The following CPS1 variants were observed in gnomAD, a reference collection of about 807,000 sequenced individuals.
CPS1 encodes carbamoyl-phosphate synthase 1.
In CPS1, 109 loss-of-function variants were observed where a neutral mutation model predicts 174.6. The observed-to-expected ratio is 0.62, with a 90% confidence interval of 0.53 to 0.73. CPS1 has a LOEUF of 0.73. Ranked by LOEUF, CPS1 falls within the 30% of genes least tolerant of loss-of-function variation. The pLI is 0.00. For synonymous variants in CPS1, 637 were observed against 632.0 expected (o/e 1.01, Z -0.12); for missense variants, 1,689 against 1,821.9 (o/e 0.93, Z 1.33).
intron 21 of CPS1, among the ~76,000 whole-genome samples, chr2:210,626,487 A>G (rs1379261767): frequency 6.6e-6 from 1 of 152,172 alleles, no homozygotes; most frequent in Non-Finnish European, 1.5e-5. Flanking sequence ...ATTGTAAACC[A>G]ACATCTCTAG....
chr2:210,531,981 T>C (rs532965246), intron 1 of CPS1, among the ~76,000 whole-genome samples: 1 of 152,282 alleles, frequency 6.6e-6, no homozygotes, highest in East Asian at 1.9e-4. Context: ...GATTTTCTGA[T>C]TGGCTTACAT....
At chr2:210,525,282 T>C (rs1378140837) in intron 1 of CPS1, among the ~76,000 whole-genome samples, 1 of 151,836 alleles carries the variant, frequency 6.6e-6, no homozygotes, top group Non-Finnish European at 1.5e-5. Context: ...TCCAGCTAAT[T>C]ATTCTGATGC....
At chr2:210,638,500 G>A (rs951307923) in intron 22 of CPS1, among the ~76,000 whole-genome samples, 10 of 152,130 alleles carry the variant, frequency 6.6e-5, no homozygotes, top group Admixed American at 6.5e-4. Context: ...CAAGGGGCAC[G>A]TGCATACCCT....
intron 28 of CPS1, 28 bp downstream of exon 28, chr2:210,650,466 G>A (rs369846098): frequency 2.7e-6 from 4 of 1,462,930 alleles, no homozygotes; most frequent in Admixed American, 3.3e-5. Flanking sequence ...TGTAGTGACT[G>A]TTATCTCTTA....
At chr2:210,620,652 C>A (rs981620885) in intron 21 of CPS1, among the ~76,000 whole-genome samples, 45 of 151,886 alleles carry the variant, frequency 3.0e-4, no homozygotes, top group African/African-American at 1.0e-3. Context: ...AAAGCAGGAG[C>A]CAGCCAGAGA....
At chr2:210,482,459 C>T (rs765387066) in intron 1 of CPS1, among the ~76,000 whole-genome samples, 12 of 152,086 alleles carry the variant, frequency 7.9e-5, no homozygotes, top group Non-Finnish European at 1.3e-4. Context: ...CGTGCCACCA[C>T]GCCTGGCTAA....
At chr2:210,641,226 C>A (rs1477307061) in intron 24 of CPS1, among the ~76,000 whole-genome samples, 1 of 152,132 alleles carries the variant, frequency 6.6e-6, no homozygotes, top group African/African-American at 2.4e-5. Flanking sequence ...GGCTCAAGCA[C>A]TCCTCCCACC....
upstream of CPS1, among the ~76,000 whole-genome samples, chr2:210,551,843 A>G (rs1696739477): frequency 1.3e-5 from 2 of 152,018 alleles, no homozygotes; most frequent in Non-Finnish European, 2.9e-5. Flanking sequence ...TCATCTAACA[A>G]CATGATATCT....
rs541644814 is a variant in CPS1 at position 210,511,947 on chromosome 2, T to C, written c.3+34181T>C. ...AATTTCTCTTAAGTCTTATTCTACA[T>C]GAGTCATTGAACCCCAAATTGAGCC... is the stretch of plus-strand genomic sequence containing the variant. On this transcript the variant is annotated intron_variant, in intron 1 of 38. Transcript: ENST00000430249. Among the ~76,000 whole-genome samples the C allele has an allele frequency of 7.1e-4, 108 of 152,224 alleles. 3 individuals are homozygous for C. The highest frequency in any genetic ancestry group is 6.5e-3 in the Admixed American group (99 of 15,268).
intron 34 of CPS1, among the ~76,000 whole-genome samples, chr2:210,670,168 G>A (rs544887276): frequency 1.6e-4 from 25 of 152,112 alleles, no homozygotes; most frequent in Non-Finnish European, 2.9e-4. Context: ...GAGTTGTTGC[G>A]AAGAACTTTC....
At position 210,655,646 on chromosome 2, in the gene CPS1, A is replaced by T. The variant is rs942349740; in HGVS notation, c.3559-879A>T. Among the ~76,000 whole-genome samples the T allele has an allele frequency of 3.9e-5, 6 of 152,204 alleles. No homozygotes were observed. In the East Asian group the frequency reaches 1.2e-3, roughly 29 times the overall value. On this transcript the variant is annotated intron_variant, in intron 29 of 37. Transcript: ENST00000233072. ...TGTGGTCTGTTTTATCCTTACAAAC[A>T]TTCTATGAGCAGGTACCATTGTTAT...
chr2:210,511,876 A>T (rs1050929629), intron 1 of CPS1, among the ~76,000 whole-genome samples: 1 of 152,072 alleles, frequency 6.6e-6, no homozygotes, highest in African/African-American at 2.4e-5. Flanking sequence ...TGGTTTCAAT[A>T]ATCTTCAATA....
At chr2:210,646,044 T>A (rs932461093) in intron 25 of CPS1, among the ~76,000 whole-genome samples, 1 of 152,178 alleles carries the variant, frequency 6.6e-6, no homozygotes, top group South Asian at 2.1e-4. Flanking sequence ...ACAGCTAAGT[T>A]GAAAAATATT....
intron 25 of CPS1, among the ~76,000 whole-genome samples, chr2:210,645,190 G>A (rs1004246686): frequency 2.0e-5 from 3 of 152,044 alleles, no homozygotes; most frequent in Admixed American, 2.0e-4. Context: ...TTTGCCCTGT[G>A]GGAAAACCTG....
intron 16 of CPS1, 150 bp downstream of exon 16, chr2:210,602,480 C>A (rs969798082): frequency 5.9e-6 from 6 of 1,020,566 alleles, no homozygotes; most frequent in Admixed American, 5.6e-5. Context: ...AAAGATGACA[C>A]TTTTGCGAGA....
intron 33 of CPS1, among the ~76,000 whole-genome samples, chr2:210,665,798 G>A (rs573044398): frequency 1.0e-3 from 152 of 148,104 alleles, no homozygotes; most frequent in African/African-American, 3.5e-3. Flanking sequence ...GTGTGCATGT[G>A]TCTTTATAGC....
At chr2:210,480,282 T>C (rs62203674) in intron 1 of CPS1, among the ~76,000 whole-genome samples, 66,840 of 152,046 alleles carry the variant, frequency 0.44, 15,894 homozygotes, top group East Asian at 0.61. Flanking sequence ...CCTCGTGTTC[T>C]ACTGGTGAGG....
intron 28 of CPS1, 149 bp from the exon 29 acceptor site, chr2:210,653,876 T>G: frequency 2.9e-6 from 2 of 688,612 alleles, no homozygotes; most frequent in Non-Finnish European, 2.7e-6. Context: ...ACAGCACAGA[T>G]TAGGTAATGA....
At position 210,656,520 on chromosome 2, in the gene CPS1, G is replaced by C. The variant is rs62203742; in HGVS notation, c.3559-5G>C. ...CTAAAATCCTTTTTTTTTTTTTTTG[G>C]CCAGGTTATCTCTCATGCCATCTCT... On this transcript the variant is annotated splice_region_variant and splice_polypyrimidine_tract_variant and intron_variant, in intron 29 of 37. Coordinates refer to ENST00000233072, the MANE Select transcript of CPS1 (RefSeq NM_001875.5). The C allele has an allele frequency of 3.4e-6, 5 of 1,475,452 alleles. No homozygotes were observed. The highest frequency in any genetic ancestry group is 2.4e-4 in the Middle Eastern group (1 of 4,224). 91.4% of individuals were successfully genotyped at this position (1,475,452 alleles called of 1,614,324 possible).
Sources: allele counts gnomAD v4.1 joint callset (sites outside exome capture counted in the v4.1 genomes callset), GRCh38; gene constraint gnomAD v4.1.1; transcripts MANE v1.5; gene names NCBI Gene and HGNC (gene_info 2026-07-23, HGNC 2026-07-21).